Variants in FCRL4 observed in about 807,000 individuals in gnomAD.
FCRL4 encodes the protein Fc receptor like 4.
FCRL4 carries 43 observed loss-of-function variants against 64.1 expected under a neutral mutation model. The observed-to-expected ratio is 0.67, with a 90% confidence interval of 0.53 to 0.87. FCRL4 has a LOEUF of 0.87. FCRL4 is among the 40% of genes least tolerant of loss of function. The pLI is 0.00. For synonymous variants in FCRL4, 253 were observed against 239.8 expected, an observed-to-expected ratio of 1.05 and a Z score of -0.51; for missense variants, 656 against 613.5, an observed-to-expected ratio of 1.07 and a Z score of -0.73.
chr1:157,589,696 C>T (rs1046333411), intron 2 of FCRL4, among the ~76,000 whole-genome samples: 2 of 152,214 alleles, frequency 1.3e-5, no homozygotes, highest in Non-Finnish European at 2.9e-5. Context: ...GCAGGATCCA[C>T]TCAGCAGTGA....
At chr1:157,585,355 T>C (rs13376547) in intron 6 of FCRL4, among the ~76,000 whole-genome samples, 360 of 66,826 alleles carry the variant, frequency 5.4e-3, no homozygotes, top group African/African-American at 0.021. Context: ...TCTTTCTTTC[T>C]TTCTTTCTTT....
intron 10 of FCRL4, among the ~76,000 whole-genome samples, chr1:157,577,093 G>A (rs1652433727): frequency 6.6e-6 from 1 of 152,080 alleles, no homozygotes. Context: ...AGTGTGGGGA[G>A]GAAAAAAATA....
In FCRL4 at chr1:157,581,542, C is replaced by A. The variant is rs150354637; in HGVS notation, c.1238G>T (p.Arg413Leu). The A allele has an allele frequency of 3.1e-6, 5 of 1,613,716 alleles. No homozygotes were observed. Among genetic ancestry groups the A allele is most frequent in the Admixed American group, 1.7e-5 (1 of 60,004 alleles). Reference protein sequence around the residue: ...AVALLFHCWRRRKSGVGFLGD... With the variant: ...AVALLFHCWRLRKSGVGFLGD... Reference sequence around the variant, plus strand: ...AAAAGAGCACAAACCTGACTTCCTCCGACGCCAGCAGTGAAACAGCAGGGC... The same window carrying A: ...AAAAGAGCACAAACCTGACTTCCTCAGACGCCAGCAGTGAAACAGCAGGGC... Residue 413 changes from arginine to leucine, a missense_variant, in exon 7 of 12, where the codon CGG becomes CTG. Physicochemically the swap from Arg to Leu is moderately radical, Grantham distance 102 (BLOSUM62 -2). Coordinates refer to ENST00000271532, the MANE Select transcript of FCRL4 (RefSeq NM_031282.3).
At chr1:157,592,920 G>T (rs891293050) in intron 2 of FCRL4, among the ~76,000 whole-genome samples, 4 of 152,172 alleles carry the variant, frequency 2.6e-5, no homozygotes, top group Admixed American at 6.5e-5. Flanking sequence ...AAAATGATGA[G>T]TTCATGTCCT....
chr1:157,578,555 G>T lies in FCRL4; in HGVS notation c.1361-13C>A, dbSNP rs375438653. 66 of 1,611,268 alleles carry T rather than the reference G, an allele frequency of 4.1e-5. No individual in the cohort carries two copies. The highest frequency in any genetic ancestry group is 5.5e-5 in the Non-Finnish European group (65 of 1,177,496). ...TTTTTGGGGTGTACTGGAAAGAAAA[G>T]ACATTTTCAAGGCTGTTCCTGTTAG... On this transcript the variant is annotated splice_polypyrimidine_tract_variant and intron_variant, in intron 9 of 11. Transcript: ENST00000271532.
intron 10 of FCRL4, 110 bp from the exon 11 acceptor site, chr1:157,575,840 T>A (rs1328515865): frequency 6.3e-6 from 6 of 949,796 alleles, no homozygotes; most frequent in Non-Finnish European, 1.0e-5. Context: ...GTCCACCTCA[T>A]CCCCTCCACC....
intron 1 of FCRL4, 31 bp downstream of exon 1, chr1:157,597,883 A>G (rs1029145355): frequency 8.7e-6 from 14 of 1,602,420 alleles, no homozygotes; most frequent in Non-Finnish European, 1.1e-5. Flanking sequence ...TCAGCTTTGC[A>G]GCAAGCAAAG....
chr1:157,582,707 C>T lies in FCRL4; in HGVS notation c.1136-1063G>A, dbSNP rs947850971. 2.6e-5 allele frequency among the ~76,000 whole-genome samples: 4 copies of T among 152,222 alleles called. No homozygotes were observed. The East Asian group carries it at 7.7e-4, about 29-fold the overall frequency. On this transcript the variant is annotated intron_variant, in intron 6 of 11. Transcript: ENST00000271532. Reference sequence around the variant, plus strand: ...ACATTTCTGATATTATCCTTCCCTCCTCAACAATATCAACAAACCTGCCCT... The same window carrying T: ...ACATTTCTGATATTATCCTTCCCTCTTCAACAATATCAACAAACCTGCCCT...
chr1:157,588,870 C>A (rs918829309), intron 3 of FCRL4, among the ~76,000 whole-genome samples: 1 of 152,216 alleles, frequency 6.6e-6, no homozygotes, highest in Non-Finnish European at 1.5e-5. Flanking sequence ...CTTTTGTCCT[C>A]AGCACATTTA....
At chr1:157,590,086 G>A (rs371416058) in intron 2 of FCRL4, among the ~76,000 whole-genome samples, 5 of 152,116 alleles carry the variant, frequency 3.3e-5, no homozygotes, top group African/African-American at 1.2e-4. Flanking sequence ...AATAGAGAAG[G>A]CATTGACTTA....
intron 2 of FCRL4, 42 bp from the exon 3 acceptor site, chr1:157,589,500 C>T: frequency 6.2e-7 from 1 of 1,601,628 alleles, no homozygotes; most frequent in Non-Finnish European, 8.5e-7. Context: ...GAGGTGCCTG[C>T]AGTCCCAGCT....
At chr1:157,597,784 C>A in intron 1 of FCRL4, 130 bp downstream of exon 1, 1 of 625,226 alleles carries the variant, frequency 1.6e-6, no homozygotes, top group South Asian at 2.2e-5. Flanking sequence ...CATTATCTTT[C>A]CTTTTTGTTC....
chr1:157,575,759 A>G (rs761253435), intron 10 of FCRL4, 29 bp from the exon 11 acceptor site: 1 of 1,610,674 alleles, frequency 6.2e-7, no homozygotes, highest in South Asian at 1.1e-5. Context: ...TCACTGGACT[A>G]TGGGCATAAT....
intron 2 of FCRL4, among the ~76,000 whole-genome samples, chr1:157,592,675 T>C (rs1652863378): frequency 6.6e-6 from 1 of 152,220 alleles, no homozygotes; most frequent in African/African-American, 2.4e-5. Context: ...GAAGACAGTA[T>C]GACAATTCCT....
At chr1:157,594,245 C>A (rs975372406) in intron 2 of FCRL4, among the ~76,000 whole-genome samples, 1 of 152,210 alleles carries the variant, frequency 6.6e-6, no homozygotes, top group Non-Finnish European at 1.5e-5. Context: ...TGATCCAGGT[C>A]TGAATAAAGG....
Position 157,574,462 on chromosome 1 carries a change from TG to T in FCRL4, c.*1061del, listed in dbSNP as rs753356466. The T allele has an allele frequency of 1.4e-5, 3 of 212,492 alleles. No homozygotes were observed. The highest frequency in any genetic ancestry group is 2.9e-5 in the Non-Finnish European group (3 of 105,102). The allele number at this position is 212,492 out of a possible 1,614,324, so 13.2% of individuals were successfully genotyped here. ...CCTCTAATATTTGGCTGCTGGTTTTTGTCAATTATTTAACCAGTAGGTGTAT... is the reference window on the plus strand; with the variant it reads ...CCTCTAATATTTGGCTGCTGGTTTTTTCAATTATTTAACCAGTAGGTGTAT... On this transcript the variant is annotated 3_prime_UTR_variant, in exon 12 of 12. Coordinates refer to ENST00000271532, the MANE Select transcript of FCRL4 (RefSeq NM_031282.3).
intron 10 of FCRL4, among the ~76,000 whole-genome samples, 190 bp from the exon 11 acceptor site, chr1:157,575,920 A>G (rs1652401378): frequency 6.6e-6 from 1 of 152,182 alleles, no homozygotes; most frequent in Admixed American, 6.5e-5. Context: ...GCCCTCTGCA[A>G]GTTCTTTTCA....
rs772089801 is a variant in FCRL4, at chr1:157,578,829, C to T, written c.1301G>A (p.Gly434Glu). ...ETRLPPAPGP[G>E]ESSHSICPAQ... ...AGGGCAGATGGAATGGGAGGACTCTCCTGGGCCTGGAGCGGGAGGGAGCCT... is the reference window on the plus strand; with the variant it reads ...AGGGCAGATGGAATGGGAGGACTCTTCTGGGCCTGGAGCGGGAGGGAGCCT... The change falls in exon 9 of 12, where the codon GGA becomes GAA. Residue 434 changes from glycine to glutamate, a missense_variant. Transcript: ENST00000271532. 3.7e-6 allele frequency: 6 copies of T among 1,613,606 alleles called. No individual in the cohort carries two copies. In the South Asian group the frequency reaches 5.5e-5, roughly 15 times the overall value.
At chr1:157,581,443 G>A in intron 7 of FCRL4, 88 bp downstream of exon 7, 3 of 1,004,264 alleles carry the variant, frequency 3.0e-6, no homozygotes, top group Non-Finnish European at 4.6e-6. Flanking sequence ...ACTTGGGAGT[G>A]GTGGCCTGGT....
Sources: allele counts gnomAD v4.1 joint callset (sites outside exome capture counted in the v4.1 genomes callset), GRCh38; gene constraint gnomAD v4.1.1; transcripts MANE v1.5; gene names NCBI Gene and HGNC (gene_info 2026-07-23, HGNC 2026-07-21).